Variants in UNC5C observed in about 807,000 individuals in gnomAD.
UNC5C encodes netrin receptor UNC5C.
UNC5C carries 47 observed loss-of-function variants against 99.8 expected under a neutral mutation model. That is an observed-to-expected ratio of 0.47 (90% CI 0.37 to 0.60). The LOEUF is 0.60. UNC5C is among the 20% of genes least tolerant of loss of function. The pLI is 0.00. For synonymous variants in UNC5C, 487 were observed against 452.2 expected, an observed-to-expected ratio of 1.08 and a Z score of -0.98; for missense variants, 1,062 against 1,165.9, an observed-to-expected ratio of 0.91 and a Z score of 1.30.
rs1721625453 is a variant in UNC5C at position 95,496,113 on chromosome 4, A to T, written c.124+52621T>A. On this transcript the variant is annotated intron_variant, in intron 1 of 15. Transcript: ENST00000453304. Reference sequence around the variant, plus strand: ...ACTAGAAGATTACACTACTCTGAAGAAAAACAGTATTATTGCATAAATCCT... The same window carrying T: ...ACTAGAAGATTACACTACTCTGAAGTAAAACAGTATTATTGCATAAATCCT... Among the ~76,000 whole-genome samples the T allele has an allele frequency of 4.0e-5, 6 of 151,838 alleles. No individual in the cohort carries two copies. The Admixed American group carries it at 4.0e-4, about 10-fold the overall frequency.
At chr4:95,261,561 C>A (rs1342342741) in intron 4 of UNC5C, among the ~76,000 whole-genome samples, 2 of 152,146 alleles carry the variant, frequency 1.3e-5, no homozygotes, top group Non-Finnish European at 2.9e-5. Context: ...TAAGGGAACA[C>A]TGCAGATAAA....
chr4:95,354,479 A>ATATATATT, intron 1 of UNC5C, among the ~76,000 whole-genome samples: 1 of 110,350 alleles, frequency 9.1e-6, no homozygotes. Flanking sequence ...ATATATATAT[A>ATATATATT]TTTTTTTTTT....
chr4:95,337,547 A>T (rs1336342148), intron 1 of UNC5C, among the ~76,000 whole-genome samples: 1 of 152,008 alleles, frequency 6.6e-6, no homozygotes, highest in African/African-American at 2.4e-5. Context: ...GAAGCAAAAA[A>T]GTCACACATT....
chr4:95,528,958 T>C (rs774086058), intron 1 of UNC5C, among the ~76,000 whole-genome samples: 23 of 152,142 alleles, frequency 1.5e-4, no homozygotes, highest in Admixed American at 3.3e-4. Flanking sequence ...AATTAGGTAA[T>C]AGTTCATTCC....
At chr4:95,190,946 A>G (rs1737062640) in intron 12 of UNC5C, among the ~76,000 whole-genome samples, 1 of 152,162 alleles carries the variant, frequency 6.6e-6, no homozygotes, top group Non-Finnish European at 1.5e-5. Context: ...CTTTCACAAT[A>G]ACCAATTAAA....
intron 1 of UNC5C, among the ~76,000 whole-genome samples, chr4:95,404,668 C>T (rs1388843838): frequency 1.3e-5 from 2 of 152,108 alleles, no homozygotes; most frequent in African/African-American, 4.8e-5. Flanking sequence ...GAGGGTGGTT[C>T]TCTGGCAAAG....
At chr4:95,255,715 C>T (rs527554732) in intron 4 of UNC5C, among the ~76,000 whole-genome samples, 1 of 152,202 alleles carries the variant, frequency 6.6e-6, no homozygotes, top group African/African-American at 2.4e-5. Flanking sequence ...ATTCAATTTC[C>T]CTTGATACTG....
chr4:95,392,587 C>G (rs1281175869), intron 1 of UNC5C, among the ~76,000 whole-genome samples: 2 of 151,988 alleles, frequency 1.3e-5, no homozygotes, highest in Non-Finnish European at 2.9e-5. Flanking sequence ...CATGCACCAC[C>G]AGGCCCAGAT....
chr4:95,470,283 A>G (rs1236334540), intron 1 of UNC5C, among the ~76,000 whole-genome samples: 3 of 152,144 alleles, frequency 2.0e-5, no homozygotes, highest in Non-Finnish European at 2.9e-5. Context: ...GTTTTTCCAT[A>G]TATTTATTTT....
intron 1 of UNC5C, among the ~76,000 whole-genome samples, chr4:95,474,535 G>T (rs1425201038): frequency 6.6e-6 from 1 of 151,806 alleles, no homozygotes; most frequent in East Asian, 1.9e-4. Context: ...GGTGATCTAC[G>T]CCTCGGCCTC....
At chr4:95,320,288 G>T (rs1200681122) in intron 2 of UNC5C, among the ~76,000 whole-genome samples, 1 of 151,964 alleles carries the variant, frequency 6.6e-6, no homozygotes, top group African/African-American at 2.4e-5. Flanking sequence ...CCAGTGTGGT[G>T]GCGGGCGCCT....
At chr4:95,426,276 A>G (rs553801473) in intron 1 of UNC5C, among the ~76,000 whole-genome samples, 3 of 152,340 alleles carry the variant, frequency 2.0e-5, no homozygotes, top group Non-Finnish European at 4.4e-5. Context: ...TTGATGTGCC[A>G]TGAACCACAC....
At chr4:95,330,047 G>A (rs1387387618) in intron 2 of UNC5C, among the ~76,000 whole-genome samples, 3 of 152,014 alleles carry the variant, frequency 2.0e-5, no homozygotes, top group Non-Finnish European at 4.4e-5. Context: ...ATCAATTCAT[G>A]TATTGAATAA....
At chr4:95,441,769 C>G (rs1255208597) in intron 1 of UNC5C, among the ~76,000 whole-genome samples, 2 of 152,118 alleles carry the variant, frequency 1.3e-5, no homozygotes, top group African/African-American at 4.8e-5. Flanking sequence ...AAGTGAGGCA[C>G]AGTGATGTGA....
In UNC5C at chr4:95,185,047, C is replaced by T. The variant is rs1431511366; in HGVS notation, c.2286G>A (p.Gln762=). ...CTTTTGTTCGGCTTGGGAACCTTACCTGATATTTAGCCAGCAATTTGCTCT... is the reference window on the plus strand; with the variant it reads ...CTTTTGTTCGGCTTGGGAACCTTACTTGATATTTAGCCAGCAATTTGCTCT... ...LWKSKLLAKY[Q]EIPFYHVWSG... Residue 762 remains glutamine, a splice_region_variant and synonymous_variant, in exon 13 of 16, where the codon CAG becomes CAA. Coordinates refer to ENST00000453304, the MANE Select transcript of UNC5C (RefSeq NM_003728.4). 6.2e-7 allele frequency: 1 copy of T among 1,610,002 alleles called. No individual in the cohort carries two copies. The highest frequency in any genetic ancestry group is 8.5e-7 in the Non-Finnish European group (1 of 1,178,808).
intron 1 of UNC5C, among the ~76,000 whole-genome samples, chr4:95,494,573 C>G (rs566351503): frequency 4.0e-4 from 61 of 151,508 alleles, no homozygotes; most frequent in Non-Finnish European, 7.2e-4. Flanking sequence ...AAGGCCTTCC[C>G]ATATTAAACA....
At chr4:95,429,759 G>A (rs1424292407) in intron 1 of UNC5C, among the ~76,000 whole-genome samples, 1 of 151,920 alleles carries the variant, frequency 6.6e-6, no homozygotes, top group Non-Finnish European at 1.5e-5. Flanking sequence ...TGACACATAA[G>A]CACATATTGA....
intron 1 of UNC5C, among the ~76,000 whole-genome samples, chr4:95,548,396 G>T (rs1723133145): frequency 6.6e-6 from 1 of 151,958 alleles, no homozygotes; most frequent in Admixed American, 6.6e-5. Context: ...AAACCTCCGT[G>T]TGTGCAATAT....
intron 1 of UNC5C, among the ~76,000 whole-genome samples, chr4:95,424,803 G>T (rs552748532): frequency 5.7e-4 from 87 of 152,034 alleles, no homozygotes; most frequent in African/African-American, 1.9e-3. Flanking sequence ...GATTACAGGA[G>T]TGAGCCACCG....
Sources: gnomAD v4.1 joint callset for allele counts (sites outside exome capture counted in the v4.1 genomes callset) on GRCh38, gnomAD v4.1.1 for gene constraint, MANE v1.5 for transcripts, NCBI Gene and HGNC (gene_info 2026-07-23, HGNC 2026-07-21) for gene names.